The following CELF4 variants were observed in gnomAD, a reference collection of about 807,000 sequenced individuals.
The protein encoded by CELF4 is CUG-BP- and ETR-3-like factor 4.
CELF4 carries 18 observed loss-of-function variants against 59.9 expected under a neutral mutation model. That is an observed-to-expected ratio of 0.30 (90% confidence interval 0.21 to 0.45). CELF4 has a LOEUF of 0.45. CELF4 is among the 20% of genes least tolerant of loss of function. CELF4 has a pLI of 1.00. For missense variants in CELF4, 456 were observed against 689.0 expected (o/e 0.66, Z 3.79); for synonymous variants, 261 against 267.1 (o/e 0.98, Z 0.22).
At position 37,307,791 on chromosome 18, in the gene CELF4, A is replaced by G. The variant is rs538556043; in HGVS notation, c.448+14012T>C. Among the ~76,000 whole-genome samples the G allele has an allele frequency of 4.7e-5, 7 of 149,718 alleles. No individual in the cohort carries two copies. The South Asian group carries it at 1.5e-3, about 32-fold the overall frequency. On this transcript the variant is annotated intron_variant, in intron 3 of 12. Coordinates refer to ENST00000420428, the MANE Select transcript of CELF4 (RefSeq NM_020180.4). ...GGAGGGCACAGTCTCTGTGAGAGAC[A>G]GGAGTTAACTGACATAAAGGCTCAG... is the stretch of plus-strand genomic sequence containing the variant.
intron 8 of CELF4, among the ~76,000 whole-genome samples, chr18:37,268,170 C>T (rs2078629305): frequency 6.6e-6 from 1 of 152,124 alleles, no homozygotes; most frequent in Non-Finnish European, 1.5e-5. Flanking sequence ...GTCAGACCCA[C>T]GGGGGCTCTG....
intron 2 of CELF4, among the ~76,000 whole-genome samples, chr18:37,338,796 T>TGTGTG (rs2154545998): frequency 7.9e-6 from 1 of 126,832 alleles, no homozygotes; most frequent in African/African-American, 3.1e-5. Flanking sequence ...GTGTGTGTGG[T>TGTGTG]GTGTGTGATC....
intron 2 of CELF4, among the ~76,000 whole-genome samples, chr18:37,347,643 G>T (rs1370821632): frequency 6.6e-6 from 1 of 152,138 alleles, no homozygotes; most frequent in Non-Finnish European, 1.5e-5. Flanking sequence ...GCACATGTCT[G>T]CGGGCATCAA....
At chr18:37,355,905 A>C (rs1357206866) in intron 2 of CELF4, among the ~76,000 whole-genome samples, 2 of 152,172 alleles carry the variant, frequency 1.3e-5, no homozygotes. Flanking sequence ...AGGGAGCTGC[A>C]GTGGGGATAC....
At chr18:37,417,377 TC>T (rs2099537644) in intron 2 of CELF4, among the ~76,000 whole-genome samples, 1 of 152,168 alleles carries the variant, frequency 6.6e-6, no homozygotes, top group Admixed American at 6.5e-5. Context: ...GCACTGGGCT[TC>T]CCCTGCCTTT....
chr18:37,322,728 A>T (rs924675508), intron 2 of CELF4, among the ~76,000 whole-genome samples: 4 of 152,092 alleles, frequency 2.6e-5, no homozygotes, highest in Non-Finnish European at 5.9e-5. Context: ...TAAGCAACAA[A>T]CGTGAGGAGG....
chr18:37,382,220 A>G (rs1185669878), intron 2 of CELF4, among the ~76,000 whole-genome samples: 3 of 152,200 alleles, frequency 2.0e-5, no homozygotes, highest in African/African-American at 7.2e-5. Flanking sequence ...TACAGATGGA[A>G]AAGCTGAGGC....
In CELF4 at chr18:37,245,998, T is replaced by G. The variant is rs1384846064; in HGVS notation, c.*45-801A>C. ...ACTCAGACAGTGCTTGATTTTGTTT[T>G]GAATGGTGGCTTTTTGGTGTTTTGT... On this transcript the variant is annotated intron_variant, in intron 12 of 12. Transcript: ENST00000420428. The surrounding 1 kb of genome is among the most constrained non-coding windows in gnomAD (Gnocchi z 4.1). Among the ~76,000 whole-genome samples, 1 of 152,226 alleles carries G rather than the reference T, an allele frequency of 6.6e-6. No individual in the cohort carries two copies. The highest frequency in any genetic ancestry group is 1.9e-4 in the East Asian group (1 of 5,200).
At chr18:37,336,819 C>G (rs2097785210) in intron 2 of CELF4, among the ~76,000 whole-genome samples, 1 of 152,230 alleles carries the variant, frequency 6.6e-6, no homozygotes, top group Non-Finnish European at 1.5e-5. Flanking sequence ...TTTAGAAAGT[C>G]TATCGAGCTC....
chr18:37,468,813 C>T (rs1045832255), intron 2 of CELF4, among the ~76,000 whole-genome samples: 1 of 152,080 alleles, frequency 6.6e-6, no homozygotes, highest in Admixed American at 6.5e-5. Flanking sequence ...CCTTGTAAAA[C>T]CATCAGATCT....
chr18:37,523,315 G>A (rs2099959734), intron 1 of CELF4, among the ~76,000 whole-genome samples: 1 of 152,200 alleles, frequency 6.6e-6, no homozygotes, highest in Non-Finnish European at 1.5e-5. Flanking sequence ...TTGGGGCCAG[G>A]AGGCCCCAGA....
chr18:37,497,503 T>G (rs1047161594), intron 1 of CELF4, among the ~76,000 whole-genome samples: 1 of 151,796 alleles, frequency 6.6e-6, no homozygotes, highest in Non-Finnish European at 1.5e-5. Flanking sequence ...AATACAAAAA[T>G]TAGTTGGGCA....
At chr18:37,417,928 A>T (rs2099542522) in intron 2 of CELF4, among the ~76,000 whole-genome samples, 1 of 152,150 alleles carries the variant, frequency 6.6e-6, no homozygotes, top group Non-Finnish European at 1.5e-5. Flanking sequence ...GGTCTGAAGG[A>T]TGTTTGGGGT....
chr18:37,260,844 C>T (rs141741614), intron 10 of CELF4, among the ~76,000 whole-genome samples: 394 of 152,244 alleles, frequency 2.6e-3, no homozygotes, highest in Non-Finnish European at 4.3e-3. Context: ...CCCAGCCCTT[C>T]GGCCTCCCCT....
At chr18:37,446,865 G>T (rs890658618) in intron 2 of CELF4, among the ~76,000 whole-genome samples, 9 of 152,098 alleles carry the variant, frequency 5.9e-5, no homozygotes, top group Non-Finnish European at 8.8e-5. Context: ...GTCATTTTCT[G>T]TGTGCAAAGC....
intron 2 of CELF4, among the ~76,000 whole-genome samples, chr18:37,440,221 T>C (rs1239902461): frequency 6.6e-6 from 1 of 152,068 alleles, no homozygotes; most frequent in East Asian, 1.9e-4. Context: ...CAGCCTTGGC[T>C]GGGGGGCCTC....
chr18:37,495,036 C>G (rs1042952661), intron 1 of CELF4, among the ~76,000 whole-genome samples: 7 of 152,216 alleles, frequency 4.6e-5, no homozygotes, highest in African/African-American at 1.7e-4. Context: ...AGCTGAGCAT[C>G]AAGGGTGGAT....
chr18:37,364,342 C>T (rs764625658), intron 2 of CELF4, among the ~76,000 whole-genome samples: 5 of 152,226 alleles, frequency 3.3e-5, no homozygotes, highest in Non-Finnish European at 4.4e-5. Flanking sequence ...TGACAAGTGT[C>T]CTTTCACTTC....
intron 2 of CELF4, among the ~76,000 whole-genome samples, chr18:37,343,168 G>T (rs1190289230): frequency 1.3e-5 from 2 of 152,208 alleles, no homozygotes; most frequent in Non-Finnish European, 2.9e-5. Context: ...TAGCAGCAGT[G>T]TCTTCTACCC....
Sources: gnomAD v4.1 joint callset for allele counts (sites outside exome capture counted in the v4.1 genomes callset) on GRCh38, gnomAD v4.1.1 for gene constraint, Gnocchi (gnomAD v3.1) non-coding constraint, MANE v1.5 for transcripts, NCBI Gene and HGNC (gene_info 2026-07-23, HGNC 2026-07-21) for gene names.